Variants in ANK2 observed in about 807,000 individuals in gnomAD.
ANK2 encodes the protein ankyrin-2.
In ANK2, 83 loss-of-function variants were observed where a neutral mutation model predicts 360.5. The ratio of observed to expected loss-of-function variants is 0.23; its 90% CI spans 0.19 to 0.28. ANK2 has a LOEUF of 0.28. Ranked by LOEUF, ANK2 falls within the 10% of genes least tolerant of loss-of-function variation. The pLI is 1.00. For missense variants in ANK2, 4,201 were observed against 4,795.7 expected, an observed-to-expected ratio of 0.88 and a Z score of 3.66; for synonymous variants, 1,740 against 1,759.5, an observed-to-expected ratio of 0.99 and a Z score of 0.28.
chr4:112,987,495 G>T (rs972589964), intron 2 of ANK2, among the ~76,000 whole-genome samples: 1 of 152,102 alleles, frequency 6.6e-6, no homozygotes, highest in Non-Finnish European at 1.5e-5. Context: ...CACAGGTGGC[G>T]GGTGACAAGT....
chr4:113,246,104 T>C (rs2042751514), intron 9 of ANK2, among the ~76,000 whole-genome samples: 1 of 152,242 alleles, frequency 6.6e-6, no homozygotes, highest in African/African-American at 2.4e-5. Flanking sequence ...CCGGAATGTT[T>C]TTAAAGTATT....
At chr4:113,232,089 C>A in intron 4 of ANK2, 72 bp from the exon 5 acceptor site, 1 of 1,057,796 alleles carries the variant, frequency 9.5e-7, no homozygotes, top group Non-Finnish European at 1.5e-6. Flanking sequence ...TTCCCTATGT[C>A]GAAGGTTTAC....
At chr4:113,161,484 A>C (rs1562520136) in intron 1 of ANK2, among the ~76,000 whole-genome samples, 1 of 152,210 alleles carries the variant, frequency 6.6e-6, no homozygotes, top group African/African-American at 2.4e-5. Context: ...CCTTGCATAG[A>C]ATTCAAATTG....
chr4:112,938,936 CAG>C (rs1156355379), intron 2 of ANK2, among the ~76,000 whole-genome samples: 1 of 152,088 alleles, frequency 6.6e-6, no homozygotes, highest in Non-Finnish European at 1.5e-5. Flanking sequence ...AGCAGGAACT[CAG>C]TGAATTAATG....
At chr4:113,319,234 A>G (rs1022253266) in intron 26 of ANK2, among the ~76,000 whole-genome samples, 1 of 152,150 alleles carries the variant, frequency 6.6e-6, no homozygotes, top group Non-Finnish European at 1.5e-5. Context: ...CTCATTAAAA[A>G]ATAGGAGTTT....
At chr4:113,292,943 G>T (rs949008832) in intron 21 of ANK2, 5 of 353,292 alleles carry the variant, frequency 1.4e-5, no homozygotes, top group Non-Finnish European at 2.8e-5. Flanking sequence ...ATCCCGAGTG[G>T]CCTGGGTTGG....
At chr4:113,240,381 A>C in intron 7 of ANK2, 104 bp from the exon 8 acceptor site, 1 of 822,586 alleles carries the variant, frequency 1.2e-6, no homozygotes, top group East Asian at 2.5e-5. Context: ...ATTATTGCTT[A>C]TATATTAGGT....
chr4:112,894,097 A>G (rs1454273008), intron 1 of ANK2, among the ~76,000 whole-genome samples: 1 of 152,158 alleles, frequency 6.6e-6, no homozygotes, highest in Non-Finnish European at 1.5e-5. Flanking sequence ...TTTCCACAGT[A>G]CCACATCAAT....
intron 1 of ANK2, among the ~76,000 whole-genome samples, chr4:112,841,354 T>C (rs1252946950): frequency 4.6e-5 from 7 of 152,224 alleles, no homozygotes; most frequent in South Asian, 4.1e-4. Context: ...TCAGTAAATA[T>C]GGGTCATTAA....
Position 113,167,323 on chromosome 4 carries a change from C to T in ANK2, c.85-7093C>T, listed in dbSNP as rs891589038. ...GTCACCTTTTTTTTTTTTTTGGAAACAGAGTTTCGCTCTTGTTGCCCAGGC... is the reference window on the plus strand; with the variant it reads ...GTCACCTTTTTTTTTTTTTTGGAAATAGAGTTTCGCTCTTGTTGCCCAGGC... On this transcript the variant is annotated intron_variant, in intron 1 of 45. Transcript: ENST00000357077. Among the ~76,000 whole-genome samples the T allele has an allele frequency of 2.2e-3, 311 of 144,092 alleles. 1 individual carries two copies. Among genetic ancestry groups the T allele is most frequent in the African/African-American group, 6.4e-3 (252 of 39,102 alleles). The allele number at this position is 144,092 out of a possible 152,430, so 94.5% of individuals were successfully genotyped here.
chr4:113,088,745 A>T (rs1327505526), intron 1 of ANK2, among the ~76,000 whole-genome samples: 1 of 152,156 alleles, frequency 6.6e-6, no homozygotes, highest in Non-Finnish European at 1.5e-5. Flanking sequence ...AACTGTCACA[A>T]TTGTTGCACA....
chr4:113,250,386 A>G (rs543889616), intron 10 of ANK2, among the ~76,000 whole-genome samples: 2 of 152,348 alleles, frequency 1.3e-5, no homozygotes, highest in South Asian at 4.1e-4. Context: ...TAGGCCACCT[A>G]CAAAGAACTA....
intron 9 of ANK2, among the ~76,000 whole-genome samples, chr4:113,249,240 A>G (rs2044725658): frequency 6.6e-6 from 1 of 152,368 alleles, no homozygotes; most frequent in South Asian, 2.1e-4. Context: ...TTTTGCAAGC[A>G]TTAGGAAGCA....
intron 43 of ANK2, 116 bp from the exon 44 acceptor site, chr4:113,372,974 A>C: frequency 1.1e-6 from 1 of 945,926 alleles, no homozygotes; most frequent in Non-Finnish European, 1.8e-6. Context: ...TATCTCAGCA[A>C]TGCTTCTCAA....
chr4:112,767,566 CAATAAATAAATA>C, the ANK2 span, among the ~76,000 whole-genome samples: 7 of 144,718 alleles, frequency 4.8e-5, no homozygotes, highest in Non-Finnish European at 1.1e-4. Flanking sequence ...GACCCTGTCT[CAATAAATAAATA>C]AATAAATAAA....
chr4:113,251,629 C>T (rs2046455172), intron 10 of ANK2, among the ~76,000 whole-genome samples: 1 of 151,502 alleles, frequency 6.6e-6, no homozygotes, highest in South Asian at 2.1e-4. Context: ...ACTACAGGCG[C>T]CCACCACCAC....
chr4:113,050,265 T>G (rs1351506034), intron 1 of ANK2, among the ~76,000 whole-genome samples: 7 of 152,230 alleles, frequency 4.6e-5, no homozygotes, highest in Admixed American at 4.6e-4. Flanking sequence ...GGTTTCATGC[T>G]AAGTGTATTC....
chr4:113,050,623 C>T (rs2066552369), intron 1 of ANK2, among the ~76,000 whole-genome samples: 1 of 152,130 alleles, frequency 6.6e-6, no homozygotes, highest in African/African-American at 2.4e-5. Flanking sequence ...ACAGAGCTTC[C>T]CTGAGCCTCA....
intron 29 of ANK2, among the ~76,000 whole-genome samples, chr4:113,334,990 A>G (rs2093298233): frequency 6.6e-6 from 1 of 152,090 alleles, no homozygotes; most frequent in South Asian, 2.1e-4. Flanking sequence ...AGCTATGCCC[A>G]ATAATCAAGA....
Sources: gnomAD v4.1 joint callset for allele counts (sites outside exome capture counted in the v4.1 genomes callset) on GRCh38, gnomAD v4.1.1 for gene constraint, MANE v1.5 for transcripts, NCBI Gene and HGNC (gene_info 2026-07-23, HGNC 2026-07-21) for gene names.